TP63: variants seen among roughly 807,000 people sequenced by gnomAD.
TP63 encodes the protein tumor protein p63, also known as tumor protein 63.
A neutral mutation model predicts 82.8 loss-of-function variants in TP63; 17 were observed. The observed-to-expected ratio is 0.21, with a 90% CI of 0.14 to 0.31. The LOEUF is 0.31. TP63 is among the 10% of genes least tolerant of loss of function. The pLI, the probability that TP63 is intolerant of heterozygous loss-of-function variation, is 1.00. For synonymous variants in TP63, 330 were observed against 321.7 expected (o/e 1.03, Z -0.28); for missense variants, 648 against 895.3 (o/e 0.72, Z 3.52).
chr3:189,700,314 G>C (rs1717705083), intron 1 of TP63, among the ~76,000 whole-genome samples: 1 of 152,108 alleles, frequency 6.6e-6, no homozygotes, highest in African/African-American at 2.4e-5. Flanking sequence ...TGAAAAAAAT[G>C]GTGCCATCAT....
At chr3:189,624,481 T>G in the TP63 span, among the ~76,000 whole-genome samples, 2 of 152,172 alleles carry the variant, frequency 1.3e-5, no homozygotes, top group African/African-American at 4.8e-5. Context: ...TCATAGACTC[T>G]TGGGGTTGAA....
intron 1 of TP63, among the ~76,000 whole-genome samples, chr3:189,701,892 T>G (rs7647665): frequency 0.44 from 67,106 of 151,942 alleles, 15,170 homozygotes; most frequent in East Asian, 0.66. Flanking sequence ...TCTGTTTGTT[T>G]CTAATCTTTT....
chr3:189,828,105 G>A (rs1409849952), intron 4 of TP63, among the ~76,000 whole-genome samples: 1 of 152,102 alleles, frequency 6.6e-6, no homozygotes, highest in African/African-American at 2.4e-5. Flanking sequence ...GCTGGGCTAG[G>A]TGGTGGGCGC....
intron 3 of TP63, among the ~76,000 whole-genome samples, chr3:189,767,286 G>GA (rs1395202051): frequency 4.0e-5 from 6 of 149,604 alleles, no homozygotes; most frequent in South Asian, 4.2e-4. Context: ...CTACATGAAA[G>GA]AAAAAAAAAC....
At chr3:189,658,339 G>A (rs1202743565) in intron 1 of TP63, among the ~76,000 whole-genome samples, 3 of 152,016 alleles carry the variant, frequency 2.0e-5, no homozygotes, top group African/African-American at 4.8e-5. Flanking sequence ...AATAATTTTT[G>A]TAGATATTCT....
At chr3:189,698,619 G>T (rs1211000198) in intron 1 of TP63, among the ~76,000 whole-genome samples, 1 of 152,084 alleles carries the variant, frequency 6.6e-6, no homozygotes, top group Non-Finnish European at 1.5e-5. Flanking sequence ...CTAATAGTAA[G>T]ATCTGTCTTG....
intron 4 of TP63, among the ~76,000 whole-genome samples, chr3:189,833,454 C>A (rs976114927): frequency 6.6e-6 from 1 of 152,172 alleles, no homozygotes; most frequent in Admixed American, 6.5e-5. Flanking sequence ...ATGCAAAACG[C>A]TTTGCAAACA....
At chr3:189,700,930 T>G in intron 1 of TP63, among the ~76,000 whole-genome samples, 2 of 152,316 alleles carry the variant, frequency 1.3e-5, no homozygotes, top group Admixed American at 1.3e-4. Context: ...CAAATCTCTT[T>G]TAAAGTAAAT....
chr3:189,817,275 A>C (rs966455618), intron 4 of TP63, among the ~76,000 whole-genome samples: 1 of 152,130 alleles, frequency 6.6e-6, no homozygotes, highest in African/African-American at 2.4e-5. Context: ...AGTGGTTTCC[A>C]AGTTGTATTA....
chr3:189,613,747 C>T, the TP63 span, among the ~76,000 whole-genome samples: 5,734 of 152,306 alleles, frequency 0.038, 125 homozygotes, highest in African/African-American at 0.059. Flanking sequence ...TGGGAACCTA[C>T]CTCTTGTATC....
Position 189,746,442 on chromosome 3 carries a change from G to A in TP63, c.324+7668G>A, listed in dbSNP as rs376389156. ...TCCTATACCCCAGAAGCAAAGGAAG[G>A]ATATTTACCGTCAAGAAAACACATA... On this transcript the variant is annotated intron_variant, in intron 3 of 13. Coordinates refer to ENST00000264731, the MANE Select transcript of TP63 (RefSeq NM_003722.5). 5.3e-5 allele frequency among the ~76,000 whole-genome samples: 8 copies of A among 150,934 alleles called. No individual in the cohort carries two copies. In the East Asian group the frequency reaches 1.6e-3, roughly 29 times the overall value.
chr3:189,848,239 T>TTCTCTTTCTCTCTCTCTCTCTCTC (rs1715151299), intron 4 of TP63, among the ~76,000 whole-genome samples: 1 of 95,986 alleles, frequency 1.0e-5, no homozygotes, highest in African/African-American at 4.3e-5. Context: ...CTCCTCCTCC[T>TTCTCTTTCTCTCTCTCTCTCTCTC]TCTCTCTCTC....
At chr3:189,636,672 A>G (rs553151429) in intron 1 of TP63, among the ~76,000 whole-genome samples, 1 of 152,310 alleles carries the variant, frequency 6.6e-6, no homozygotes, top group African/African-American at 2.4e-5. Flanking sequence ...TTAAACATTG[A>G]GATAAATGTG....
chr3:189,831,214 C>T (rs537185919), intron 4 of TP63, among the ~76,000 whole-genome samples: 2 of 152,140 alleles, frequency 1.3e-5, no homozygotes, highest in Non-Finnish European at 2.9e-5. Flanking sequence ...GTGGAGGATC[C>T]TAATTGAAAT....
chr3:189,866,905 T>C (rs2108802247), intron 6 of TP63, 108 bp downstream of exon 6: 4 of 889,830 alleles, frequency 4.5e-6, no homozygotes, highest in Non-Finnish European at 7.4e-6. Flanking sequence ...ATCACTGTCT[T>C]AGTTCTTGTC....
At chr3:189,604,151 T>C in the TP63 span, among the ~76,000 whole-genome samples, 1 of 152,232 alleles carries the variant, frequency 6.6e-6, no homozygotes, top group African/African-American at 2.4e-5. Flanking sequence ...TTAGATCTGC[T>C]ACCTCCTTGC....
intron 10 of TP63, chr3:189,880,336 A>G: frequency 7.8e-7 from 1 of 1,287,006 alleles, no homozygotes; most frequent in South Asian, 2.8e-5. Context: ...CAAAGCCACT[A>G]GTGAGAGAAT....
intron 3 of TP63, among the ~76,000 whole-genome samples, chr3:189,752,010 G>A (rs1439607096): frequency 6.6e-6 from 1 of 151,862 alleles, no homozygotes; most frequent in Admixed American, 6.6e-5. Flanking sequence ...TTTTTTCTGG[G>A]ACACTCTAAT....
intron 1 of TP63, among the ~76,000 whole-genome samples, chr3:189,692,737 A>G (rs1483778896): frequency 7.2e-5 from 11 of 152,210 alleles, no homozygotes. Context: ...CAGAACTGTG[A>G]AAAGTGAAGA....
Sources: gnomAD v4.1 joint callset for allele counts (sites outside exome capture counted in the v4.1 genomes callset) on GRCh38, gnomAD v4.1.1 for gene constraint, MANE v1.5 for transcripts, NCBI Gene and HGNC (gene_info 2026-07-23, HGNC 2026-07-21) for gene names.